Variants in ZNF777 observed in about 807,000 individuals in gnomAD.
ZNF777 encodes the protein zinc finger protein 777.
Under a neutral mutation model 72.1 loss-of-function variants are expected in ZNF777, and 7 were observed. That is an observed-to-expected ratio of 0.10 (90% CI 0.06 to 0.18). The LOEUF (loss-of-function observed/expected upper bound fraction) is 0.18. Among genes scored for constraint, ZNF777 ranks in the 10% least tolerant of loss-of-function variants. ZNF777 has a pLI of 1.00. For synonymous variants in ZNF777, 545 were observed against 483.5 expected (o/e 1.13, Z -1.67); for missense variants, 828 against 1,128.6 (o/e 0.73, Z 3.82).
Position 149,432,702 on chromosome 7 carries a change from G to A in ZNF777, c.1570C>T (p.Arg524Trp), listed in dbSNP as rs1022483660. ...GCCCCGCGGTTCTCGCTCAGGTGCC[G>A]CTCACCGTGCACGGAGGGCGCCAGC... ...KRLAPSVHGE[R>W]HLSENRGASS... The change falls in exon 6 of 6, where the codon CGG (arginine) becomes TGG (tryptophan). Residue 524 changes from arginine (R) to tryptophan (W), a missense_variant. By Grantham distance (101) the Arg-to-Trp change is moderately radical (BLOSUM62 -3). Around this residue, in one of 12 missense-constraint regions of ZNF777, gnomAD observed 219 missense variants for 223.0 expected, o/e 0.98. Transcript: ENST00000247930. 2 of 1,612,558 alleles carry A rather than the reference G, an allele frequency of 1.2e-6. No homozygotes were observed. Among genetic ancestry groups the A allele is most frequent in the African/African-American group, 1.3e-5 (1 of 74,900 alleles).
At chr7:149,441,730 A>G (rs1371297233) in intron 4 of ZNF777, among the ~76,000 whole-genome samples, 2 of 152,224 alleles carry the variant, frequency 1.3e-5, no homozygotes, top group Non-Finnish European at 2.9e-5. Context: ...TTTATTAGTT[A>G]CTGAAAGTGA....
intron 1 of ZNF777, among the ~76,000 whole-genome samples, chr7:149,456,768 T>C (rs144696602): frequency 6.8e-4 from 103 of 152,340 alleles, no homozygotes; most frequent in African/African-American, 2.4e-3. Flanking sequence ...TTGATAACAG[T>C]TGCATTGCAG....
intron 4 of ZNF777, among the ~76,000 whole-genome samples, chr7:149,446,331 G>A (rs766775022): frequency 1.2e-4 from 19 of 152,046 alleles, no homozygotes; most frequent in South Asian, 2.1e-4. Flanking sequence ...AGCCAAGATC[G>A]CGCCATTGCA....
In ZNF777 at chr7:149,431,555, G is replaced by A. The variant is rs1373818592; in HGVS notation, c.*221C>T. 4.3e-6 allele frequency: 2 copies of A among 463,002 alleles called. No homozygotes were observed. Among genetic ancestry groups the A allele is most frequent in the Non-Finnish European group, 8.4e-6 (2 of 238,386 alleles). The allele number at this position is 463,002 out of a possible 1,614,324, so 28.7% of individuals were successfully genotyped here. On this transcript the variant is annotated 3_prime_UTR_variant, in exon 6 of 6. Coordinates refer to ENST00000247930, the MANE Select transcript of ZNF777 (RefSeq NM_015694.3). ...ATTAACAGCCCGAAAGGGTTCCCCAGGTCCGCGCCCTCCCCCCTGGGGCCC... is the reference window on the plus strand; with the variant it reads ...ATTAACAGCCCGAAAGGGTTCCCCAAGTCCGCGCCCTCCCCCCTGGGGCCC...
At position 149,460,912 on chromosome 7, in the gene ZNF777, C is replaced by G. The variant is rs1371537196; in HGVS notation, c.-113G>C. ...CGCAGCCCAGGCGACGTGCTGGGGT[C>G]TGGAGGCGGCTTGATTGGCTCCGAC... On this transcript the variant is annotated 5_prime_UTR_variant, in exon 1 of 6. Transcript: ENST00000247930. This position sits in a 1 kb window ranked among gnomAD's most constrained non-coding sequence, Gnocchi z 6.1. 3.3e-5 allele frequency: 5 copies of G among 152,268 alleles called. No individual in the cohort carries two copies. Among genetic ancestry groups the G allele is most frequent in the Non-Finnish European group, 7.3e-5 (5 of 68,086 alleles). 9.4% of individuals were successfully genotyped at this position (152,268 alleles called of 1,614,324 possible).
intron 3 of ZNF777, among the ~76,000 whole-genome samples, chr7:149,451,500 G>C (rs931196043): frequency 6.6e-6 from 1 of 152,132 alleles, no homozygotes; most frequent in Non-Finnish European, 1.5e-5. Context: ...GGACCAGCCT[G>C]GTCAACATGG....
In ZNF777 at chr7:149,437,799, C is replaced by CTTTTTTTTTTTT. The variant is rs796721387; in HGVS notation, c.1088-974_1088-973insAAAAAAAAAAAA. ...CACATACACATTTATATGTTTGTTT[C>CTTTTTTTTTTTT]TTTTTCTTTTTTTTTTTTTTTTGTC... On this transcript the variant is annotated intron_variant, in intron 4 of 5. Coordinates refer to ENST00000247930, the MANE Select transcript of ZNF777 (RefSeq NM_015694.3). Among the ~76,000 whole-genome samples, 23 of 115,652 alleles carry CTTTTTTTTTTTT rather than the reference C, an allele frequency of 2.0e-4. 2 individuals are homozygous for CTTTTTTTTTTTT. Among genetic ancestry groups the CTTTTTTTTTTTT allele is most frequent in the Non-Finnish European group, 2.8e-4 (16 of 57,754 alleles). The allele number at this position is 115,652 out of a possible 152,430, so 75.9% of individuals were successfully genotyped here. A position where few individuals can be genotyped will look rare whatever the true frequency, so the allele number is the denominator to read the frequency against.
At chr7:149,448,669 C>T (rs1298002020) in intron 4 of ZNF777, among the ~76,000 whole-genome samples, 2 of 147,414 alleles carry the variant, frequency 1.4e-5, no homozygotes, top group Non-Finnish European at 3.0e-5. Flanking sequence ...TCTCGAGAGA[C>T]TGAAATGATG....
intron 4 of ZNF777, among the ~76,000 whole-genome samples, chr7:149,443,575 A>C (rs181830136): frequency 6.6e-6 from 1 of 152,024 alleles, no homozygotes; most frequent in Non-Finnish European, 1.5e-5. Flanking sequence ...ATTAAAAAAA[A>C]TTTTTTTTAA....
Position 149,461,024 on chromosome 7 carries a change from A to T in ZNF777, c.-225T>A, listed in dbSNP as rs1352131719. On this transcript the variant is annotated 5_prime_UTR_variant, in exon 1 of 6. Transcript: ENST00000247930. ...AAAACCTGCGCTCACAAAGGGATCT[A>T]AGAAACCCGTCACACCAGAGAAAGC... is the stretch of plus-strand genomic sequence containing the variant. 1 of 152,328 alleles carries T rather than the reference A, an allele frequency of 6.6e-6. No homozygotes were observed. The highest frequency in any genetic ancestry group is 1.5e-5 in the Non-Finnish European group (1 of 68,108). 9.4% of individuals were successfully genotyped at this position (152,328 alleles called of 1,614,324 possible).
At chr7:149,447,981 A>G (rs1799634611) in intron 4 of ZNF777, among the ~76,000 whole-genome samples, 1 of 152,174 alleles carries the variant, frequency 6.6e-6, no homozygotes, top group Non-Finnish European at 1.5e-5. Context: ...GATCTGATGA[A>G]CTAAATAAAC....
chr7:149,444,731 T>C (rs532712592), intron 4 of ZNF777, among the ~76,000 whole-genome samples: 1 of 152,368 alleles, frequency 6.6e-6, no homozygotes, highest in Non-Finnish European at 1.5e-5. Context: ...GCTCCCAATG[T>C]GGTTACAAAT....
intron 3 of ZNF777, among the ~76,000 whole-genome samples, chr7:149,452,566 GA>G: frequency 6.7e-6 from 1 of 149,692 alleles, no homozygotes; most frequent in East Asian, 2.0e-4. Context: ...CTGGGAGGCG[GA>G]GCTTGCAGTG....
In ZNF777 at chr7:149,436,591, C is replaced by A; in HGVS notation, c.1323G>T (p.Gln441His). The A allele has an allele frequency of 6.2e-7, 1 of 1,607,296 alleles. No homozygotes were observed. Among genetic ancestry groups the A allele is most frequent in the South Asian group, 1.1e-5 (1 of 90,916 alleles). ...AGCACTCACCCGTGCAGTTCCTCTGCTGCACCAGCATCTGCTTCAGTTCGC... is the reference window on the plus strand; with the variant it reads ...AGCACTCACCCGTGCAGTTCCTCTGATGCACCAGCATCTGCTTCAGTTCGC... The part of the protein sequence containing the change: ...EFSELKQMLV[Q>H]QRNCTEGIVI... The change falls in exon 5 of 6, where the codon CAG (glutamine) becomes CAT (histidine). Residue 441 changes from glutamine to histidine, a missense_variant. Around this residue, in one of 12 missense-constraint regions of ZNF777, gnomAD observed 219 missense variants for 223.0 expected, o/e 0.98. Coordinates refer to ENST00000247930, the MANE Select transcript of ZNF777 (RefSeq NM_015694.3). The surrounding 1 kb of genome is among the most constrained non-coding windows in gnomAD (Gnocchi z 5.0).
At chr7:149,452,548 G>C (rs1456700027) in intron 3 of ZNF777, among the ~76,000 whole-genome samples, 1 of 149,652 alleles carries the variant, frequency 6.7e-6, no homozygotes, top group Non-Finnish European at 1.5e-5. Flanking sequence ...TAGGAGAATG[G>C]CATGAACCTG....
chr7:149,436,713 A>T lies in ZNF777; in HGVS notation c.1201T>A (p.Ser401Thr). The T allele has an allele frequency of 6.2e-7, 1 of 1,614,106 alleles. No individual in the cohort carries two copies. Among genetic ancestry groups the T allele is most frequent in the East Asian group, 2.2e-5 (1 of 44,870 alleles). Residue 401 changes from serine to threonine, a missense_variant, in exon 5 of 6, where the codon TCA (serine) becomes ACA (threonine). This residue lies in a region of ZNF777 where 219 missense variants were observed against 223.0 expected (regional missense o/e 0.98). Coordinates refer to ENST00000247930, the MANE Select transcript of ZNF777 (RefSeq NM_015694.3). This position sits in a 1 kb window ranked among gnomAD's most constrained non-coding sequence, Gnocchi z 5.0. Reference protein sequence around the residue: ...GQVEEHGFQDSELGDPCGEQP... With the variant: ...GQVEEHGFQDTELGDPCGEQP... ...TCCCCACAGGGGTCACCCAGCTCTGAGTCCTGGAAGCCGTGCTCTTCCACC... is the reference window on the plus strand; with the variant it reads ...TCCCCACAGGGGTCACCCAGCTCTGTGTCCTGGAAGCCGTGCTCTTCCACC...
intron 5 of ZNF777, among the ~76,000 whole-genome samples, chr7:149,434,410 TC>T (rs1799377724): frequency 6.6e-6 from 1 of 152,062 alleles, no homozygotes. Flanking sequence ...ACCCAGAACA[TC>T]CTTGGAGCGT....
chr7:149,460,214 G>C lies in ZNF777; in HGVS notation c.-16+601C>G. 6 of 585,268 alleles carry C rather than the reference G, an allele frequency of 1.0e-5. No individual in the cohort carries two copies. Among genetic ancestry groups the C allele is most frequent in the Non-Finnish European group, 1.1e-5 (5 of 467,374 alleles). The allele number at this position is 585,268 out of a possible 1,614,324, so 36.3% of individuals were successfully genotyped here. Reference sequence around the variant, plus strand: ...TACTGCCGCCGCCGCTACTGCGCGCGGCCCCACGCAGGCCCGGCCGCCCGG... The same window carrying C: ...TACTGCCGCCGCCGCTACTGCGCGCCGCCCCACGCAGGCCCGGCCGCCCGG... On this transcript the variant is annotated intron_variant, in intron 1 of 5. Coordinates refer to ENST00000247930, the MANE Select transcript of ZNF777 (RefSeq NM_015694.3). This position sits in a 1 kb window ranked among gnomAD's most constrained non-coding sequence, Gnocchi z 6.1.
chr7:149,436,032 C>T lies in ZNF777; in HGVS notation c.1339+543G>A, dbSNP rs879124463. Among the ~76,000 whole-genome samples, 1 of 152,168 alleles carries T rather than the reference C, an allele frequency of 6.6e-6. No homozygotes were observed. Among genetic ancestry groups the T allele is most frequent in the Non-Finnish European group, 1.5e-5 (1 of 68,042 alleles). ...GAAAGATGTCCTGGGATCAGGCCAC[C>T]GTGAGCCCCAGTGCCTTACTGTTCT... On this transcript the variant is annotated intron_variant, in intron 5 of 5. Transcript: ENST00000247930. The surrounding 1 kb of genome is among the most constrained non-coding windows in gnomAD (Gnocchi z 5.0).
Sources: gnomAD v4.1 joint callset for allele counts (sites outside exome capture counted in the v4.1 genomes callset) on GRCh38, gnomAD v4.1.1 for gene constraint, gnomAD v4.1.1 regional missense constraint, Gnocchi (gnomAD v3.1) non-coding constraint, MANE v1.5 for transcripts, NCBI Gene and HGNC (gene_info 2026-07-23, HGNC 2026-07-21) for gene names.